Variants in ZYG11B observed in about 807,000 individuals in gnomAD.
ZYG11B encodes the protein zyg-11 family member B, cell cycle regulator, also known as protein zyg-11 homolog B.
A neutral mutation model predicts 82.4 loss-of-function variants in ZYG11B; 36 were observed. The ratio of observed to expected loss-of-function variants is 0.44; its 90% confidence interval spans 0.33 to 0.58. ZYG11B has a LOEUF of 0.58. Ranked by LOEUF, ZYG11B falls within the 20% of genes least tolerant of loss-of-function variation. ZYG11B has a pLI of 0.02. For synonymous variants in ZYG11B, 303 were observed against 312.8 expected, an observed-to-expected ratio of 0.97 and a Z score of 0.33; for missense variants, 552 against 895.6, an observed-to-expected ratio of 0.62 and a Z score of 4.90.
chr1:52,813,465 C>T, intron 10 of ZYG11B, 71 bp from the exon 11 acceptor site: 1 of 1,235,204 alleles, frequency 8.1e-7, no homozygotes, highest in Non-Finnish European at 1.1e-6. Flanking sequence ...TATCCAGGGC[C>T]TAAAAACAGT....
At chr1:52,783,778 A>G (rs1213717298) in intron 4 of ZYG11B, among the ~76,000 whole-genome samples, 3 of 139,516 alleles carry the variant, frequency 2.2e-5, no homozygotes, top group Non-Finnish European at 4.5e-5. Flanking sequence ...GTGTACTACC[A>G]TGCCCAGCTT....
At chr1:52,811,703 A>G (rs1189174773) in intron 10 of ZYG11B, among the ~76,000 whole-genome samples, 1 of 151,486 alleles carries the variant, frequency 6.6e-6, no homozygotes, top group Non-Finnish European at 1.5e-5. Flanking sequence ...CTTTTCAGAT[A>G]CTTAGTTTTG....
chr1:52,787,164 A>G (rs982883900), intron 5 of ZYG11B, among the ~76,000 whole-genome samples: 1 of 152,196 alleles, frequency 6.6e-6, no homozygotes, highest in African/African-American at 2.4e-5. Flanking sequence ...ACCAAACACC[A>G]AATGTCCATC....
At chr1:52,727,476 G>C (rs1644295878) in intron 1 of ZYG11B, among the ~76,000 whole-genome samples, 1 of 152,202 alleles carries the variant, frequency 6.6e-6, no homozygotes, top group African/African-American at 2.4e-5. Context: ...TCTTTTGACA[G>C]AAATAGCTAA....
In ZYG11B at chr1:52,822,266, C is replaced by T. The variant is rs961520372; in HGVS notation, c.*637C>T. On this transcript the variant is annotated 3_prime_UTR_variant, in exon 14 of 14. Coordinates refer to ENST00000294353, the MANE Select transcript of ZYG11B (RefSeq NM_024646.3). Reference sequence around the variant, plus strand: ...AGGTTTTAAAATGAGACAGGCTACCCTTCGGGAGTCCACCTCTCTTGAGGC... The same window carrying T: ...AGGTTTTAAAATGAGACAGGCTACCTTTCGGGAGTCCACCTCTCTTGAGGC... 1 of 152,188 alleles carries T rather than the reference C, an allele frequency of 6.6e-6. No homozygotes were observed. The allele number at this position is 152,188 out of a possible 1,614,324, so 9.4% of individuals were successfully genotyped here.
At chr1:52,766,594 C>T (rs546524219) in intron 2 of ZYG11B, among the ~76,000 whole-genome samples, 3 of 152,082 alleles carry the variant, frequency 2.0e-5, no homozygotes, top group African/African-American at 7.2e-5. Context: ...TTTATTGAAA[C>T]CAGGACATTT....
intron 4 of ZYG11B, among the ~76,000 whole-genome samples, chr1:52,783,993 T>TAGAGAG (rs1340249345): frequency 1.3e-4 from 18 of 136,848 alleles, no homozygotes; most frequent in African/African-American, 4.8e-4. Flanking sequence ...CACATATATA[T>TAGAGAG]ATATAGAGAG....
At chr1:52,800,342 A>G (rs1172014089) in intron 8 of ZYG11B, among the ~76,000 whole-genome samples, 1 of 152,004 alleles carries the variant, frequency 6.6e-6, no homozygotes, top group African/African-American at 2.4e-5. Flanking sequence ...TAAATATAAT[A>G]TACATTAGAT....
intron 10 of ZYG11B, among the ~76,000 whole-genome samples, chr1:52,804,298 G>A (rs1172631241): frequency 6.6e-6 from 1 of 152,018 alleles, no homozygotes; most frequent in African/African-American, 2.4e-5. Flanking sequence ...GTGTTTGATA[G>A]TTAATGATTA....
At chr1:52,795,423 A>G (rs1003141629) in intron 6 of ZYG11B, among the ~76,000 whole-genome samples, 14 of 152,250 alleles carry the variant, frequency 9.2e-5, no homozygotes, top group Admixed American at 2.0e-4. Flanking sequence ...ATTTATAGCA[A>G]TGCAAGAATG....
intron 10 of ZYG11B, among the ~76,000 whole-genome samples, chr1:52,803,862 C>T (rs187167206): frequency 1.1e-3 from 162 of 152,328 alleles, no homozygotes; most frequent in Non-Finnish European, 1.9e-3. Context: ...GCCTTGGCCT[C>T]CCAAAGTGCT....
chr1:52,816,777 A>ATTTT, intron 13 of ZYG11B, 148 bp downstream of exon 13: 1 of 364,068 alleles, frequency 2.7e-6, no homozygotes, highest in South Asian at 3.6e-5. Context: ...AACTTAAGGT[A>ATTTT]TTCTTTTTTT....
intron 2 of ZYG11B, among the ~76,000 whole-genome samples, chr1:52,770,722 A>G (rs943933425): frequency 2.0e-5 from 3 of 152,186 alleles, no homozygotes; most frequent in Non-Finnish European, 4.4e-5. Context: ...AACTCCAGGG[A>G]TGGGCTGGGA....
At chr1:52,819,801 T>A (rs202183730) in intron 13 of ZYG11B, among the ~76,000 whole-genome samples, 36,836 of 146,126 alleles carry the variant, frequency 0.25, 5,402 homozygotes, top group East Asian at 0.4. Flanking sequence ...AAAATAATAA[T>A]AATAATAATA....
At chr1:52,803,219 TATATACACAC>T (rs1242130610) in intron 10 of ZYG11B, among the ~76,000 whole-genome samples, 5,923 of 84,564 alleles carry the variant, frequency 0.07, 619 homozygotes, top group East Asian at 0.35. Context: ...CACATATATA[TATATACACAC>T]ATATATATAT....
chr1:52,808,723 G>A (rs1381137735), intron 10 of ZYG11B, among the ~76,000 whole-genome samples: 2 of 152,226 alleles, frequency 1.3e-5, no homozygotes, highest in African/African-American at 4.8e-5. Flanking sequence ...CTTTGGAGAC[G>A]CTAATTTGCA....
At chr1:52,754,121 G>A (rs1180352577) in intron 1 of ZYG11B, among the ~76,000 whole-genome samples, 4 of 151,432 alleles carry the variant, frequency 2.6e-5, no homozygotes, top group Non-Finnish European at 5.9e-5. Flanking sequence ...TGCCTCCTGG[G>A]TTCAAGCGAT....
chr1:52,792,213 G>A (rs1316137687), intron 6 of ZYG11B, among the ~76,000 whole-genome samples: 1 of 151,970 alleles, frequency 6.6e-6, no homozygotes, highest in East Asian at 1.9e-4. Flanking sequence ...GATATTTAGT[G>A]GATTGATTGA....
Position 52,770,090 on chromosome 1 carries a change from ATATTTT to A in ZYG11B, c.197-928_197-923del, listed in dbSNP as rs1206548110. Among the ~76,000 whole-genome samples the A allele has an allele frequency of 6.9e-3, 492 of 71,062 alleles. 5 individuals are homozygous for A. Among genetic ancestry groups the A allele is most frequent in the African/African-American group, 0.023 (469 of 20,698 alleles). 46.6% of individuals were successfully genotyped at this position (71,062 alleles called of 152,430 possible). ...GTAACTACTATATATATATATATAT[ATATTTT>A]TTTTTTTTTTTCAGAGACAGGTTCT... On this transcript the variant is annotated intron_variant, in intron 2 of 13. Transcript: ENST00000294353.
Sources: gnomAD v4.1 joint callset for allele counts (sites outside exome capture counted in the v4.1 genomes callset) on GRCh38, gnomAD v4.1.1 for gene constraint, MANE v1.5 for transcripts, NCBI Gene and HGNC (gene_info 2026-07-23, HGNC 2026-07-21) for gene names.